Variants in TMEM40 observed in about 807,000 individuals in gnomAD.
TMEM40 encodes the protein transmembrane protein 40.
Under a neutral mutation model 40.8 loss-of-function variants are expected in TMEM40, and 34 were observed. The ratio of observed to expected loss-of-function variants is 0.83; its 90% CI spans 0.63 to 1.11. TMEM40 has a LOEUF of 1.11. Ranked by LOEUF, TMEM40 falls within the 50% of genes least tolerant of loss-of-function variation. The pLI, the probability that TMEM40 is intolerant of heterozygous loss-of-function variation, is 0.00. For missense variants in TMEM40, 296 were observed against 280.2 expected (o/e 1.06, Z -0.40); for synonymous variants, 106 against 107.0 (o/e 0.99, Z 0.06).
chr3:12,750,550 C>G (rs986244198), intron 1 of TMEM40, among the ~76,000 whole-genome samples: 2 of 152,178 alleles, frequency 1.3e-5, no homozygotes, highest in East Asian at 3.9e-4. Flanking sequence ...CTTCTTCTCT[C>G]AGCTCTGAGG....
chr3:12,753,287 C>T (rs536624881), intron 1 of TMEM40, among the ~76,000 whole-genome samples: 5 of 141,934 alleles, frequency 3.5e-5, no homozygotes, highest in South Asian at 2.2e-4. Flanking sequence ...GGCACGATCA[C>T]GGCTCTGCAG....
intron 1 of TMEM40, among the ~76,000 whole-genome samples, chr3:12,752,967 A>G (rs781036096): frequency 6.6e-5 from 10 of 152,200 alleles, no homozygotes; most frequent in Non-Finnish European, 1.3e-4. Flanking sequence ...GGACACACTA[A>G]CAGTCATCAG....
intron 1 of TMEM40, among the ~76,000 whole-genome samples, chr3:12,751,976 T>C (rs966893809): frequency 3.4e-4 from 52 of 152,308 alleles, no homozygotes; most frequent in African/African-American, 1.2e-3. Context: ...AAATTGCATC[T>C]GACCTTCCAA....
chr3:12,767,626 G>A (rs867399398), intron 1 of TMEM40, among the ~76,000 whole-genome samples: 3 of 152,126 alleles, frequency 2.0e-5, no homozygotes, highest in Middle Eastern at 3.2e-3. Flanking sequence ...CTCTCCATTC[G>A]CAGGGCAAAA....
intron 1 of TMEM40, among the ~76,000 whole-genome samples, chr3:12,758,815 AGTGAGGGT>A (rs1364822287): frequency 2.6e-5 from 4 of 152,210 alleles, no homozygotes; most frequent in Non-Finnish European, 4.4e-5. Context: ...GTTCCATAAC[AGTGAGGGT>A]GTGAGGTGCC....
intron 3 of TMEM40, 124 bp downstream of exon 3, chr3:12,748,531 G>C: frequency 2.2e-6 from 3 of 1,355,860 alleles, no homozygotes; most frequent in Non-Finnish European, 3.0e-6. Context: ...ATCGGCTCTA[G>C]AAGAGAATGT....
At chr3:12,750,096 G>C (rs1360340361) in intron 1 of TMEM40, among the ~76,000 whole-genome samples, 2 of 151,604 alleles carry the variant, frequency 1.3e-5, no homozygotes, top group South Asian at 2.1e-4. Flanking sequence ...AAGGAAATCA[G>C]TTTTTATCTG....
chr3:12,740,194 A>C (rs1221830592), intron 5 of TMEM40, among the ~76,000 whole-genome samples: 1 of 151,212 alleles, frequency 6.6e-6, no homozygotes, highest in Non-Finnish European at 1.5e-5. Context: ...CCCGGGTTCA[A>C]GCAATTCTCC....
chr3:12,745,626 T>C (rs2061421332), intron 3 of TMEM40, among the ~76,000 whole-genome samples: 2 of 152,066 alleles, frequency 1.3e-5, no homozygotes, highest in Non-Finnish European at 2.9e-5. Flanking sequence ...TTTTTTGTAT[T>C]TTAGTAGAGA....
At chr3:12,742,123 G>A (rs139819218) in intron 5 of TMEM40, among the ~76,000 whole-genome samples, 463 of 152,178 alleles carry the variant, frequency 3.0e-3, no homozygotes, top group African/African-American at 9.9e-3. Context: ...CCACCTACTC[G>A]GGAGGCTGAG....
chr3:12,747,742 T>C (rs1023576395), intron 3 of TMEM40, among the ~76,000 whole-genome samples: 2 of 151,452 alleles, frequency 1.3e-5, no homozygotes, highest in Admixed American at 6.6e-5. Flanking sequence ...AAACCCTATC[T>C]CTACTAAAAA....
chr3:12,736,537 C>G, intron 10 of TMEM40, 41 bp downstream of exon 10: 1 of 1,540,402 alleles, frequency 6.5e-7, no homozygotes, highest in Non-Finnish European at 8.8e-7. Flanking sequence ...ACGACCCCTC[C>G]AAGAGACTGT....
chr3:12,755,141 CTTCTCTTTCTTTCT>C (rs1468664049), intron 1 of TMEM40, among the ~76,000 whole-genome samples: 57 of 135,920 alleles, frequency 4.2e-4, no homozygotes, highest in Admixed American at 3.0e-3. Flanking sequence ...CTTTTCTTTC[CTTCTCTTTCTTTCT>C]TTCTCTTTCT....
chr3:12,749,979 T>C, intron 1 of TMEM40, 139 bp from the exon 2 acceptor site: 1 of 891,936 alleles, frequency 1.1e-6, no homozygotes, highest in Non-Finnish European at 1.7e-6. Flanking sequence ...AAAAAAATGG[T>C]AGTTCTGTTG....
chr3:12,751,303 T>C (rs1333787676), intron 1 of TMEM40, among the ~76,000 whole-genome samples: 1 of 149,048 alleles, frequency 6.7e-6, no homozygotes, highest in African/African-American at 2.5e-5. Context: ...TTTTTTGAGA[T>C]GGAGTCTCGC....
At chr3:12,753,874 G>A (rs1031478607) in intron 1 of TMEM40, among the ~76,000 whole-genome samples, 9 of 152,184 alleles carry the variant, frequency 5.9e-5, no homozygotes, top group Non-Finnish European at 1.0e-4. Flanking sequence ...TGCTGTCACA[G>A]GGCCTGGGCC....
At position 12,755,942 on chromosome 3, in the gene TMEM40, G is replaced by A. The variant is rs964637649; in HGVS notation, c.-9+3249C>T. Among the ~76,000 whole-genome samples the A allele has an allele frequency of 2.0e-5, 3 of 152,172 alleles. No homozygotes were observed. In the East Asian group the frequency reaches 5.8e-4, roughly 29 times the overall value. ...TTCAAAGAGTCTCTGCAAAGAAACCGCGGATGGAGATAACCCTAATCATGA... is the reference window on the plus strand; with the variant it reads ...TTCAAAGAGTCTCTGCAAAGAAACCACGGATGGAGATAACCCTAATCATGA... On this transcript the variant is annotated intron_variant, in intron 1 of 11. Transcript: ENST00000314124.
Position 12,740,726 on chromosome 3 carries a change from C to T in TMEM40, c.355+1728G>A, listed in dbSNP as rs548935931. Among the ~76,000 whole-genome samples the T allele has an allele frequency of 3.9e-5, 6 of 151,968 alleles. No homozygotes were observed. The East Asian group carries it at 9.7e-4, about 25-fold the overall frequency. On this transcript the variant is annotated intron_variant, in intron 5 of 11. Transcript: ENST00000314124. ...TACAAAAATTAGCTGGGCATGGTGT[C>T]GCATACATGTAGTCCCAGCTTCTCA...
chr3:12,733,791 C>T lies in TMEM40; in HGVS notation c.*983G>A, dbSNP rs2061317451. The T allele has an allele frequency of 6.6e-6, 1 of 151,396 alleles. No homozygotes were observed. Among genetic ancestry groups the T allele is most frequent in the African/African-American group, 2.4e-5 (1 of 41,176 alleles). 9.4% of individuals were successfully genotyped at this position (151,396 alleles called of 1,614,324 possible). ...GACAGTAGGTTTTTACTGTTCTCAT[C>T]ATAAAAAAAGGGTATGTGAGGGATA... On this transcript the variant is annotated 3_prime_UTR_variant, in exon 12 of 12. Transcript: ENST00000314124.
Sources: gnomAD v4.1 joint callset for allele counts (sites outside exome capture counted in the v4.1 genomes callset) on GRCh38, gnomAD v4.1.1 for gene constraint, MANE v1.5 for transcripts, NCBI Gene and HGNC (gene_info 2026-07-23, HGNC 2026-07-21) for gene names.